The following DMD variants were observed in gnomAD, a reference collection of about 807,000 sequenced individuals.
DMD encodes the protein mutant dystrophin.
A neutral mutation model predicts 330.1 loss-of-function variants in DMD; 63 were observed. That is an observed-to-expected ratio of 0.19 (90% CI 0.16 to 0.24). The LOEUF (loss-of-function observed/expected upper bound fraction) is 0.24. Among genes scored for constraint, DMD ranks in the 10% least tolerant of loss-of-function variants. DMD has a pLI of 1.00. For missense variants in DMD, 3,344 were observed against 2,684.1 expected, an observed-to-expected ratio of 1.25 and a Z score of -5.43; for synonymous variants, 1,223 against 959.8, an observed-to-expected ratio of 1.27 and a Z score of -5.07.
At chrX:32,989,489 G>C (rs1312986410) in intron 2 of DMD, among the ~76,000 whole-genome samples, 1 of 111,677 alleles carries the variant, frequency 9.0e-6, no homozygotes, top group Non-Finnish European at 1.9e-5. Flanking sequence ...GCTAAAGTAA[G>C]AACAGAAGCA....
intron 74 of DMD, among the ~76,000 whole-genome samples, chrX:31,162,356 T>TAAAAAAAA (rs57908991): frequency 0.014 from 722 of 50,469 alleles, 25 homozygotes; most frequent in African/African-American, 0.033. Context: ...ATGAAAAATC[T>TAAAAAAAA]AAAAAAAAAA....
chrX:32,608,394 T>G (rs1302089102), intron 12 of DMD, among the ~76,000 whole-genome samples: 1 of 110,315 alleles, frequency 9.1e-6, no homozygotes, highest in African/African-American at 3.3e-5. Context: ...TTCCAATCAT[T>G]TATGTCAAAA....
At chrX:31,343,580 G>C (rs187245678) in intron 61 of DMD, among the ~76,000 whole-genome samples, 1 of 84,951 alleles carries the variant, frequency 1.2e-5, no homozygotes, top group South Asian at 6.3e-4. Flanking sequence ...TTTCCAAAGG[G>C]GAGTGTGTGT....
At chrX:32,443,877 G>A (rs1400762956) in intron 27 of DMD, among the ~76,000 whole-genome samples, 1 of 111,440 alleles carries the variant, frequency 9.0e-6, no homozygotes. Flanking sequence ...TGGAGCTGAT[G>A]AGGTAACTCC....
intron 50 of DMD, among the ~76,000 whole-genome samples, chrX:31,812,767 C>T (rs2092501884): frequency 9.0e-6 from 1 of 111,503 alleles, no homozygotes; most frequent in Admixed American, 9.5e-5. Context: ...TTTGAATACC[C>T]ACTCTGTCAC....
chrX:31,193,418 T>C (rs1352728210), intron 67 of DMD, among the ~76,000 whole-genome samples: 1 of 111,797 alleles, frequency 8.9e-6, no homozygotes, highest in Admixed American at 9.5e-5. Context: ...ATGTCCACAG[T>C]GATATTCATG....
intron 52 of DMD, among the ~76,000 whole-genome samples, chrX:31,681,611 A>G (rs1276205637): frequency 6.2e-5 from 7 of 112,788 alleles, no homozygotes; most frequent in Non-Finnish European, 1.3e-4. Context: ...TGGGAGCCCA[A>G]TGATGACAGA....
At chrX:32,235,814 G>T (rs1289498572) in intron 43 of DMD, among the ~76,000 whole-genome samples, 3 of 110,665 alleles carry the variant, frequency 2.7e-5, no homozygotes, top group Non-Finnish European at 5.7e-5. Flanking sequence ...CCTTAAATTT[G>T]TCATTAACAG....
intron 61 of DMD, among the ~76,000 whole-genome samples, chrX:31,345,904 A>G (rs1402422207): frequency 8.9e-6 from 1 of 111,809 alleles, no homozygotes; most frequent in East Asian, 2.8e-4. Flanking sequence ...TTCTTAATCT[A>G]TTATCGATGT....
chrX:33,226,599 T>C (rs1159003831), intron 1 of DMD, among the ~76,000 whole-genome samples: 1 of 111,486 alleles, frequency 9.0e-6, no homozygotes, highest in Non-Finnish European at 1.9e-5. Context: ...GGTCTGACCA[T>C]GAAAGGGCAA....
chrX:32,136,567 A>T (rs866616806), intron 44 of DMD, among the ~76,000 whole-genome samples: 1 of 101,805 alleles, frequency 9.8e-6, no homozygotes, highest in South Asian at 4.0e-4. Flanking sequence ...AAAACAAAAC[A>T]AAACAAAACA....
chrX:31,905,621 G>A (rs1012379212), intron 47 of DMD, among the ~76,000 whole-genome samples: 1 of 110,208 alleles, frequency 9.1e-6, no homozygotes, highest in Non-Finnish European at 1.9e-5. Context: ...AAAAAGGAAG[G>A]GGGGAGAAAG....
chrX:32,203,736 T>C (rs769125165), intron 44 of DMD, among the ~76,000 whole-genome samples: 30 of 111,701 alleles, frequency 2.7e-4, no homozygotes, highest in East Asian at 2.8e-4. Context: ...TAGAGTGATA[T>C]AGAATCCGCC....
chrX:32,252,831 T>A (rs7056268), intron 43 of DMD, among the ~76,000 whole-genome samples: 20,832 of 57,080 alleles, frequency 0.36, 3,697 homozygotes, highest in Middle Eastern at 0.55. Context: ...TAAATATATA[T>A]AAATATATAT....
At chrX:31,158,214 A>C (rs1438457702) in intron 74 of DMD, among the ~76,000 whole-genome samples, 1 of 112,229 alleles carries the variant, frequency 8.9e-6, no homozygotes, top group Non-Finnish European at 1.9e-5. Flanking sequence ...TCAAGTAATG[A>C]ATAGATTAAA....
chrX:32,795,970 G>C (rs2076152078), intron 7 of DMD, among the ~76,000 whole-genome samples: 1 of 111,332 alleles, frequency 9.0e-6, no homozygotes, highest in African/African-American at 3.3e-5. Context: ...TTGACGAGGT[G>C]CAACGAAAAG....
chrX:32,595,803 T>C lies in DMD; in HGVS notation c.1556A>G (p.Glu519Gly), dbSNP rs2149264689. The change falls in exon 13 of 79, where the codon GAA becomes GGA. Residue 519 changes from glutamate (E) to glycine (G), a missense_variant. Coordinates refer to ENST00000357033, the MANE Select transcript of DMD (RefSeq NM_004006.3). ...AGCAGTTGCGTGATCTCCACTAGAT[T>C]CATCAACTACCACCACCATGTGAGT... The part of the protein sequence containing the change: ...SLTHMVVVVD[E>G]SSGDHATAAL... The C allele has an allele frequency of 1.7e-6, 2 of 1,207,635 alleles. No homozygotes were observed. Among genetic ancestry groups the C allele is most frequent in the Non-Finnish European group, 2.2e-6 (2 of 891,577 alleles).
intron 28 of DMD, 147 bp from the exon 29 acceptor site, chrX:32,438,537 G>A: frequency 1.5e-6 from 1 of 668,523 alleles, no homozygotes; most frequent in African/African-American, 2.2e-5. Flanking sequence ...AAACACCAAG[G>A]AGCATTTTTG....
chrX:32,134,455 G>T (rs1253248590), intron 44 of DMD, among the ~76,000 whole-genome samples: 2 of 111,329 alleles, frequency 1.8e-5, no homozygotes, highest in Admixed American at 9.5e-5. Flanking sequence ...TCATTCTCAT[G>T]TAGAATGAGA....
Sources: gnomAD v4.1 joint callset for allele counts (sites outside exome capture counted in the v4.1 genomes callset) on GRCh38, gnomAD v4.1.1 for gene constraint, MANE v1.5 for transcripts, NCBI Gene and HGNC (gene_info 2026-07-23, HGNC 2026-07-21) for gene names.